The following GXYLT2 variants were observed in gnomAD, a reference collection of about 807,000 sequenced individuals.
The protein encoded by GXYLT2 is glycosyltransferase 8 domain containing 4.
Under a neutral mutation model 45.8 loss-of-function variants are expected in GXYLT2, and 53 were observed. The observed-to-expected ratio is 1.16, with a 90% CI of 0.93 to 1.46. The LOEUF is 1.46. Among genes scored for constraint, GXYLT2 ranks in the 40% most tolerant of loss-of-function variants. The pLI, the probability that GXYLT2 is intolerant of heterozygous loss-of-function variation, is 0.00. For missense variants in GXYLT2, 551 were observed against 544.4 expected (o/e 1.01, Z -0.12); for synonymous variants, 219 against 214.2 (o/e 1.02, Z -0.19).
chr3:72,972,914 G>A (rs983470437), intron 6 of GXYLT2, among the ~76,000 whole-genome samples: 1 of 151,924 alleles, frequency 6.6e-6, no homozygotes, highest in Non-Finnish European at 1.5e-5. Flanking sequence ...TCCAGCCAGA[G>A]CAAGACTTTG....
At chr3:72,959,106 CTTTTTTT>C (rs55680713) in intron 5 of GXYLT2, among the ~76,000 whole-genome samples, 3 of 60,000 alleles carry the variant, frequency 5.0e-5, no homozygotes, top group African/African-American at 1.7e-4. Context: ...CCACACCCAG[CTTTTTTT>C]TTTTTTTTTT....
chr3:72,888,128 G>A lies in GXYLT2; in HGVS notation c.-106G>A, dbSNP rs993524924. On this transcript the variant is annotated 5_prime_UTR_variant, in exon 1 of 7. Transcript: ENST00000389617. ...GCCACGACCCCAGTCCCCGGCGGGCGGGCGGAGGAGGCGACCGCCGCGCGC... is the reference window on the plus strand; with the variant it reads ...GCCACGACCCCAGTCCCCGGCGGGCAGGCGGAGGAGGCGACCGCCGCGCGC... The A allele has an allele frequency of 4.1e-5, 31 of 759,190 alleles. 1 individual carries two copies. The highest frequency in any genetic ancestry group is 4.8e-5 in the Non-Finnish European group (30 of 625,424). The allele number at this position is 759,190 out of a possible 1,614,324, so 47.0% of individuals were successfully genotyped here.
intron 1 of GXYLT2, among the ~76,000 whole-genome samples, chr3:72,903,756 C>G (rs913570516): frequency 5.9e-5 from 9 of 152,136 alleles, no homozygotes; most frequent in Admixed American, 5.9e-4. Context: ...GTGGGCATTT[C>G]AAAGGATAAA....
At chr3:72,909,403 A>T (rs1709575371) in intron 2 of GXYLT2, among the ~76,000 whole-genome samples, 1 of 151,636 alleles carries the variant, frequency 6.6e-6, no homozygotes. Flanking sequence ...TTGTCTGTCT[A>T]TGTTTGTACA....
Position 72,955,331 on chromosome 3 carries a change from A to G in GXYLT2, c.834A>G (p.Ile278Met), listed in dbSNP as rs1368786211. 1 of 1,613,968 alleles carries G rather than the reference A, an allele frequency of 6.2e-7. No homozygotes were observed. The highest frequency in any genetic ancestry group is 2.2e-5 in the East Asian group (1 of 44,886). Residue 278 changes from isoleucine (I) to methionine (M), a missense_variant, in exon 4 of 7, where the codon ATA becomes ATG. Ile to Met is a conservative substitution (Grantham distance 10, BLOSUM62 1). Coordinates refer to ENST00000389617, the MANE Select transcript of GXYLT2 (RefSeq NM_001080393.2). ...SGVMLMNLTR[I>M]RSTQFKNSMI... is the part of the protein sequence containing the mutation. Reference sequence around the variant, plus strand: ...TCATGTTAATGAATTTAACTCGGATAAGAAGTACCCAGTTCAAGGTAAACG... The same window carrying G: ...TCATGTTAATGAATTTAACTCGGATGAGAAGTACCCAGTTCAAGGTAAACG...
intron 2 of GXYLT2, among the ~76,000 whole-genome samples, chr3:72,915,240 T>C (rs116675653): frequency 0.019 from 2,853 of 151,612 alleles, 87 homozygotes; most frequent in African/African-American, 0.065. Context: ...GTTGTTTTTT[T>C]TCCTTTAAAG....
intron 2 of GXYLT2, among the ~76,000 whole-genome samples, chr3:72,913,552 A>G (rs2107088198): frequency 6.6e-6 from 1 of 151,932 alleles, no homozygotes; most frequent in East Asian, 2.0e-4. Flanking sequence ...AAAATTAGCC[A>G]GGCTTAGTGG....
intron 2 of GXYLT2, among the ~76,000 whole-genome samples, chr3:72,916,582 C>T (rs113738925): frequency 0.04 from 6,057 of 152,078 alleles, 374 homozygotes; most frequent in African/African-American, 0.14. Context: ...CTCTGTTGCC[C>T]AGGCTGGAGT....
At chr3:72,973,410 A>C (rs1006757875) in intron 6 of GXYLT2, among the ~76,000 whole-genome samples, 3 of 152,218 alleles carry the variant, frequency 2.0e-5, no homozygotes, top group African/African-American at 7.2e-5. Context: ...GAGAGTTTCC[A>C]GGTCACCTTG....
At chr3:72,910,136 G>A (rs552792397) in intron 2 of GXYLT2, among the ~76,000 whole-genome samples, 100 of 152,242 alleles carry the variant, frequency 6.6e-4, no homozygotes, top group African/African-American at 2.3e-3. Context: ...AAATGATAAT[G>A]AGAATATATA....
At chr3:72,928,940 G>C in intron 3 of GXYLT2, 1 of 747,682 alleles carries the variant, frequency 1.3e-6, no homozygotes. Flanking sequence ...GCCGCCCATA[G>C]CCAGTCCTCC....
chr3:72,969,661 T>C (rs1710947749), intron 6 of GXYLT2, among the ~76,000 whole-genome samples: 2 of 152,090 alleles, frequency 1.3e-5, no homozygotes, highest in African/African-American at 4.8e-5. Context: ...TATGGTTATG[T>C]TGGCACTATA....
At chr3:72,920,515 C>T (rs146943268) in intron 2 of GXYLT2, among the ~76,000 whole-genome samples, 1,661 of 152,198 alleles carry the variant, frequency 0.011, 14 homozygotes, top group Non-Finnish European at 0.017. Context: ...GCAATCTTCC[C>T]ACCTTGGCCT....
chr3:72,889,151 T>TA (rs1185321158), intron 1 of GXYLT2, among the ~76,000 whole-genome samples: 1 of 150,534 alleles, frequency 6.6e-6, no homozygotes, highest in Non-Finnish European at 1.5e-5. Context: ...TTCTGTTTGA[T>TA]ACTCTCTTTC....
chr3:72,896,358 T>C (rs1709291173), intron 1 of GXYLT2, among the ~76,000 whole-genome samples: 1 of 152,168 alleles, frequency 6.6e-6, no homozygotes, highest in South Asian at 2.1e-4. Context: ...GAGGATTGGT[T>C]GAGCCCAGGA....
intron 5 of GXYLT2, among the ~76,000 whole-genome samples, chr3:72,961,511 C>T (rs1483600859): frequency 2.6e-5 from 4 of 152,042 alleles, no homozygotes; most frequent in Admixed American, 6.6e-5. Flanking sequence ...TGCTTCTCTC[C>T]GTGCCAGTCT....
chr3:72,905,830 A>G (rs1252037372), intron 1 of GXYLT2, among the ~76,000 whole-genome samples: 5 of 152,136 alleles, frequency 3.3e-5, no homozygotes, highest in African/African-American at 9.7e-5. Flanking sequence ...GTTTTTGCCA[A>G]TCTGAAAATA....
At chr3:72,906,685 C>A (rs1436076558) in intron 1 of GXYLT2, among the ~76,000 whole-genome samples, 5 of 152,104 alleles carry the variant, frequency 3.3e-5, no homozygotes, top group Non-Finnish European at 7.4e-5. Flanking sequence ...CTGAAGTTAG[C>A]AAGGAAAAGA....
At chr3:72,925,205 G>A (rs1162367913) in intron 3 of GXYLT2, among the ~76,000 whole-genome samples, 1 of 146,760 alleles carries the variant, frequency 6.8e-6, no homozygotes. Context: ...CGCCCAGGCT[G>A]GAGTGCAGTG....
Sources: gnomAD v4.1 joint callset for allele counts (sites outside exome capture counted in the v4.1 genomes callset) on GRCh38, gnomAD v4.1.1 for gene constraint, MANE v1.5 for transcripts, NCBI Gene and HGNC (gene_info 2026-07-23, HGNC 2026-07-21) for gene names.